CA12: variants seen among roughly 807,000 people sequenced by gnomAD.
The protein encoded by CA12 is carbonate dehydratase XII.
Under a neutral mutation model 46.8 loss-of-function variants are expected in CA12, and 36 were observed. That is an observed-to-expected ratio of 0.77 (90% CI 0.59 to 1.02). CA12 has a LOEUF of 1.02. Among genes scored for constraint, CA12 ranks in the 50% least tolerant of loss-of-function variants. CA12 has a pLI of 0.00. For missense variants in CA12, 436 were observed against 451.4 expected (o/e 0.97, Z 0.31); for synonymous variants, 202 against 187.0 (o/e 1.08, Z -0.65).
At chr15:63,334,541 G>A (rs562250382) in intron 8 of CA12, among the ~76,000 whole-genome samples, 96 of 151,886 alleles carry the variant, frequency 6.3e-4, no homozygotes, top group Non-Finnish European at 1.1e-3. Flanking sequence ...ACAGGCATGA[G>A]CCACACCCAG....
rs144474513 is a variant in CA12, at chr15:63,327,294, G to GC, written c.908-62dup. On this transcript the variant is annotated intron_variant, in intron 9 of 10. Transcript: ENST00000178638. This position sits in a 1 kb window ranked among gnomAD's most constrained non-coding sequence, Gnocchi z 4.5. ...TCCTTCCCCTCCATCTTAGCCCATG[G>GC]CCCCCGGGTGTGAAATCATGGCCCA... 3,997 of 1,336,352 alleles carry GC rather than the reference G, an allele frequency of 3.0e-3. 110 individuals carry two copies. The African/African-American group carries it at 0.051, about 17-fold the overall frequency. The allele number at this position is 1,336,352 out of a possible 1,614,324, so 82.8% of individuals were successfully genotyped here. A position where few individuals can be genotyped will look rare whatever the true frequency, so the allele number is the denominator to read the frequency against.
At position 63,355,740 on chromosome 15, in the gene CA12, C is replaced by T. The variant is rs189054191; in HGVS notation, c.107-9031G>A. ...ACCCCTATCATGAAAACTAGCCAGG[C>T]CTGAGCCCCCCATCAGTGCTCACCA... On this transcript the variant is annotated intron_variant, in intron 2 of 10. Transcript: ENST00000178638. The surrounding 1 kb of genome is among the most constrained non-coding windows in gnomAD (Gnocchi z 4.1). Among the ~76,000 whole-genome samples the T allele has an allele frequency of 6.7e-6, 1 of 149,640 alleles. No individual in the cohort carries two copies. The highest frequency in any genetic ancestry group is 1.9e-4 in the East Asian group (1 of 5,184).
chr15:63,353,080 T>C (rs1401878028), intron 2 of CA12, among the ~76,000 whole-genome samples: 1 of 152,174 alleles, frequency 6.6e-6, no homozygotes, highest in East Asian at 1.9e-4. Context: ...AAAACAGCTC[T>C]AGTCTCTGAC....
chr15:63,381,388 G>T (rs2039643167), intron 1 of CA12, among the ~76,000 whole-genome samples: 2 of 152,136 alleles, frequency 1.3e-5, no homozygotes. Flanking sequence ...TTCAGAGCTG[G>T]CGGTGCCCGG....
intron 2 of CA12, among the ~76,000 whole-genome samples, chr15:63,360,472 T>C (rs899743088): frequency 3.9e-5 from 6 of 152,236 alleles, no homozygotes; most frequent in Admixed American, 3.9e-4. Context: ...GAACAAAACC[T>C]GTCTAGTGTC....
intron 2 of CA12, among the ~76,000 whole-genome samples, chr15:63,361,176 G>C (rs1198688072): frequency 1.3e-5 from 2 of 152,242 alleles, no homozygotes; most frequent in African/African-American, 4.8e-5. Flanking sequence ...GAGGCAGGGA[G>C]CTGCCCAGTG....
At chr15:63,335,830 T>C (rs1026647987) in intron 8 of CA12, among the ~76,000 whole-genome samples, 2 of 152,166 alleles carry the variant, frequency 1.3e-5, no homozygotes, top group East Asian at 1.9e-4. Flanking sequence ...AACATCATGT[T>C]ACAGTCTGAG....
chr15:63,376,051 C>T (rs143030315), intron 1 of CA12, among the ~76,000 whole-genome samples: 5,530 of 152,192 alleles, frequency 0.036, 250 homozygotes, highest in African/African-American at 0.11. Flanking sequence ...TCAGGTGATC[C>T]GCCTGCCTTG....
At chr15:63,381,160 T>A (rs972852394) in intron 1 of CA12, among the ~76,000 whole-genome samples, 7 of 152,148 alleles carry the variant, frequency 4.6e-5, no homozygotes. Context: ...CCCTTTGACT[T>A]GTAGGTAAGA....
In CA12 at chr15:63,341,189, AT is replaced by A. The variant is rs2039074454; in HGVS notation, c.526-407del. Among the ~76,000 whole-genome samples the A allele has an allele frequency of 6.6e-6, 1 of 152,160 alleles. No individual in the cohort carries two copies. The highest frequency in any genetic ancestry group is 1.5e-5 in the Non-Finnish European group (1 of 68,032). ...TACAGCCTCATTAGGAAAAAAAAAC[AT>A]GCAAGCCAATCAGAAGACATTCCTC... is the stretch of plus-strand genomic sequence containing the variant. On this transcript the variant is annotated intron_variant, in intron 5 of 10. Transcript: ENST00000178638. This position sits in a 1 kb window ranked among gnomAD's most constrained non-coding sequence, Gnocchi z 5.2.
intron 2 of CA12, among the ~76,000 whole-genome samples, chr15:63,358,381 G>T (rs111427225): frequency 2.4e-4 from 36 of 152,296 alleles, no homozygotes; most frequent in Admixed American, 3.9e-4. Flanking sequence ...TCCACACAGG[G>T]TGATGTAGCA....
In CA12 at chr15:63,376,600, TTCTC is replaced by T. The variant is rs1555432621; in HGVS notation, c.86-926_86-923del. Among the ~76,000 whole-genome samples the T allele has an allele frequency of 2.2e-4, 30 of 134,208 alleles. 1 individual carries two copies. Among genetic ancestry groups the T allele is most frequent in the African/African-American group, 8.2e-4 (30 of 36,550 alleles). The allele number at this position is 134,208 out of a possible 152,430, so 88.0% of individuals were successfully genotyped here. A position where few individuals can be genotyped will look rare whatever the true frequency, so the allele number is the denominator to read the frequency against. ...TTTCTTTCTTTCTTTCTTTCTTTCT[TTCTC>T]TCTCTCTCGCTCTCTCTCTTTCTTC... On this transcript the variant is annotated intron_variant, in intron 1 of 10. Transcript: ENST00000178638.
intron 1 of CA12, among the ~76,000 whole-genome samples, chr15:63,381,241 A>C (rs2039641129): frequency 6.6e-6 from 1 of 152,200 alleles, no homozygotes; most frequent in South Asian, 2.1e-4. Context: ...ACAGGGGCAC[A>C]GCAAACCTTT....
At chr15:63,344,349 A>G (rs1266098407) in intron 4 of CA12, among the ~76,000 whole-genome samples, 1 of 152,242 alleles carries the variant, frequency 6.6e-6, no homozygotes, top group Non-Finnish European at 1.5e-5. Flanking sequence ...AAAGGCACAG[A>G]CTTGTCTCCC....
Position 63,381,826 on chromosome 15 carries a change from T to C in CA12, c.-106A>G, listed in dbSNP as rs11556743. 11 of 658,068 alleles carry C rather than the reference T, an allele frequency of 1.7e-5. No individual in the cohort carries two copies. The highest frequency in any genetic ancestry group is 2.1e-5 in the Non-Finnish European group (9 of 432,302). 40.8% of individuals were successfully genotyped at this position (658,068 alleles called of 1,614,324 possible). A position where few individuals can be genotyped will look rare whatever the true frequency, so the allele number is the denominator to read the frequency against. On this transcript the variant is annotated 5_prime_UTR_variant, in exon 1 of 11. Coordinates refer to ENST00000178638, the MANE Select transcript of CA12 (RefSeq NM_001218.5). The stretch of plus-strand genomic sequence containing the variant: ...CCGCGTGCGCGCAGCCTGGGTGCCG[T>C]GGCGAGTACGTCCGCCCTTCGCTCT...
Position 63,330,528 on chromosome 15 carries a change from G to A in CA12, c.875-2398C>T, listed in dbSNP as rs571367686. On this transcript the variant is annotated intron_variant, in intron 8 of 10. Transcript: ENST00000178638. This position sits in a 1 kb window ranked among gnomAD's most constrained non-coding sequence, Gnocchi z 4.0. ...CTGGCTAAGCCATCCAGGCTGGATGGTTTCTAAAGTCATCTCTTTCACAGT... is the reference window on the plus strand; with the variant it reads ...CTGGCTAAGCCATCCAGGCTGGATGATTTCTAAAGTCATCTCTTTCACAGT... Among the ~76,000 whole-genome samples, 1 of 152,292 alleles carries A rather than the reference G, an allele frequency of 6.6e-6. No homozygotes were observed. Among genetic ancestry groups the A allele is most frequent in the South Asian group, 2.1e-4 (1 of 4,822 alleles).
chr15:63,340,139 G>T lies in CA12; in HGVS notation c.747+149C>A, dbSNP rs771274168. 3.3e-6 allele frequency: 3 copies of T among 896,724 alleles called. No individual in the cohort carries two copies. The African/African-American group carries it at 5.0e-5, about 15-fold the overall frequency. 55.5% of individuals were successfully genotyped at this position (896,724 alleles called of 1,614,324 possible). On this transcript the variant is annotated intron_variant, in intron 7 of 10. Transcript: ENST00000178638. This position sits in a 1 kb window ranked among gnomAD's most constrained non-coding sequence, Gnocchi z 4.4. ...TTGAAGCTCAGCCTGGAATTTCTGC[G>T]GTGCTTTCAGACACCTGTGATATTT...
chr15:63,356,256 G>T (rs949809397), intron 2 of CA12, among the ~76,000 whole-genome samples: 4 of 152,128 alleles, frequency 2.6e-5, no homozygotes, highest in Non-Finnish European at 2.9e-5. Flanking sequence ...AGCTGGGCAT[G>T]GTGGCATACG....
At chr15:63,344,743 C>A (rs2039123606) in intron 4 of CA12, among the ~76,000 whole-genome samples, 1 of 152,280 alleles carries the variant, frequency 6.6e-6, no homozygotes, top group Non-Finnish European at 1.5e-5. Flanking sequence ...AGAGCCACAC[C>A]CCCAGTTCAG....
Sources: gnomAD v4.1 joint callset for allele counts (sites outside exome capture counted in the v4.1 genomes callset) on GRCh38, gnomAD v4.1.1 for gene constraint, Gnocchi (gnomAD v3.1) non-coding constraint, MANE v1.5 for transcripts, NCBI Gene and HGNC (gene_info 2026-07-23, HGNC 2026-07-21) for gene names.